The following ADAMTS12 variants were observed in gnomAD, a reference collection of about 807,000 sequenced individuals.
ADAMTS12 encodes A disintegrin and metalloproteinase with thrombospondin motifs 12.
In ADAMTS12, 118 loss-of-function variants were observed where a neutral mutation model predicts 167.8. The ratio of observed to expected loss-of-function variants is 0.70; its 90% CI spans 0.61 to 0.82. The LOEUF (loss-of-function observed/expected upper bound fraction) is 0.82, where lower values mean the gene tolerates loss of function less well. ADAMTS12 is among the 40% of genes least tolerant of loss of function. The pLI, the probability that ADAMTS12 is intolerant of heterozygous loss-of-function variation, is 0.00. For synonymous variants in ADAMTS12, 704 were observed against 716.9 expected, an observed-to-expected ratio of 0.98 and a Z score of 0.29; for missense variants, 1,916 against 1,998.8, an observed-to-expected ratio of 0.96 and a Z score of 0.79.
chr5:33,577,291 T>G, intron 18 of ADAMTS12, 131 bp from the exon 19 acceptor site: 1 of 1,314,278 alleles, frequency 7.6e-7, no homozygotes, highest in Non-Finnish European at 1.0e-6. Flanking sequence ...TATCTACATT[T>G]GGTTTCTGTG....
intron 1 of ADAMTS12, among the ~76,000 whole-genome samples, chr5:33,884,202 C>T (rs549673368): frequency 6.6e-6 from 1 of 152,314 alleles, no homozygotes; most frequent in African/African-American, 2.4e-5. Context: ...ACAATTCCTC[C>T]TCCAGCTGGC....
chr5:33,590,849 A>G (rs1579714427), intron 17 of ADAMTS12, among the ~76,000 whole-genome samples: 1 of 151,234 alleles, frequency 6.6e-6, no homozygotes, highest in Admixed American at 6.6e-5. Context: ...GGACTAAAAC[A>G]GCTTAGTCTT....
chr5:33,647,667 G>T (rs986785212), intron 9 of ADAMTS12, among the ~76,000 whole-genome samples: 4 of 152,186 alleles, frequency 2.6e-5, no homozygotes, highest in Admixed American at 6.5e-5. Context: ...GGAGGCAGAG[G>T]TTGCAGTGAG....
chr5:33,582,576 C>G (rs1182054595), intron 18 of ADAMTS12, among the ~76,000 whole-genome samples: 1 of 152,206 alleles, frequency 6.6e-6, no homozygotes, highest in Non-Finnish European at 1.5e-5. Context: ...GGCATTCGGT[C>G]TATTTGGTCA....
At chr5:33,699,369 T>TA (rs200025992) in intron 3 of ADAMTS12, among the ~76,000 whole-genome samples, 17 of 146,150 alleles carry the variant, frequency 1.2e-4, no homozygotes, top group South Asian at 6.5e-4. Context: ...GGCAAAAAAT[T>TA]AAAAAAAAAA....
intron 3 of ADAMTS12, among the ~76,000 whole-genome samples, chr5:33,727,153 G>A (rs961116890): frequency 2.6e-5 from 4 of 152,064 alleles, no homozygotes; most frequent in Admixed American, 6.5e-5. Context: ...ATCACCAAGC[G>A]CAAAAGCAAG....
intron 1 of ADAMTS12, 109 bp downstream of exon 1, chr5:33,891,621 G>A: frequency 6.6e-7 from 1 of 1,521,638 alleles, no homozygotes; most frequent in Non-Finnish European, 8.9e-7. Flanking sequence ...CAGCCAAATG[G>A]CTTTTCAGAG....
intron 12 of ADAMTS12, 89 bp from the exon 13 acceptor site, chr5:33,631,002 G>A (rs1739903073): frequency 6.7e-7 from 1 of 1,500,676 alleles, no homozygotes; most frequent in Non-Finnish European, 9.1e-7. Flanking sequence ...GGACCCCCAA[G>A]TGTCATTTAC....
chr5:33,645,248 C>T (rs1278185507), intron 9 of ADAMTS12, among the ~76,000 whole-genome samples: 6 of 151,656 alleles, frequency 4.0e-5, no homozygotes, highest in Non-Finnish European at 4.4e-5. Flanking sequence ...TGAGCATGGC[C>T]TGTAGTAAAG....
At chr5:33,709,383 A>G (rs1743313250) in intron 3 of ADAMTS12, among the ~76,000 whole-genome samples, 1 of 152,248 alleles carries the variant, frequency 6.6e-6, no homozygotes, top group Non-Finnish European at 1.5e-5. Flanking sequence ...AAATCATTCT[A>G]TTATAAAGAT....
At chr5:33,809,983 GAAAA>G (rs202032209) in intron 2 of ADAMTS12, among the ~76,000 whole-genome samples, 201 of 118,084 alleles carry the variant, frequency 1.7e-3, no homozygotes, top group East Asian at 4.2e-3. Flanking sequence ...AAGTTTAACA[GAAAA>G]AAAAAAAAAA....
At chr5:33,604,184 C>G (rs1261633819) in intron 16 of ADAMTS12, among the ~76,000 whole-genome samples, 1 of 152,106 alleles carries the variant, frequency 6.6e-6, no homozygotes, top group African/African-American at 2.4e-5. Flanking sequence ...AGATTCAACA[C>G]TCGTTTATAA....
chr5:33,876,902 A>G (rs2113109), intron 2 of ADAMTS12, among the ~76,000 whole-genome samples: 57,696 of 152,150 alleles, frequency 0.38, 11,393 homozygotes, highest in African/African-American at 0.49. Context: ...GTTCTTACAA[A>G]TGTTATGAAT....
chr5:33,553,555 C>G (rs956714426), intron 20 of ADAMTS12, among the ~76,000 whole-genome samples: 4 of 152,202 alleles, frequency 2.6e-5, no homozygotes, highest in Admixed American at 2.6e-4. Context: ...GAGATCATGT[C>G]CTTTGCAGGA....
At position 33,643,449 on chromosome 5, in the gene ADAMTS12, A is replaced by G. The variant is rs1305086602; in HGVS notation, c.1501T>C (p.Cys501Arg). Residue 501 changes from cysteine to arginine, a missense_variant, in exon 10 of 24, where the codon TGC becomes CGC. Physicochemically the swap from Cys to Arg is radical, Grantham distance 180. Coordinates refer to ENST00000504830, the MANE Select transcript of ADAMTS12 (RefSeq NM_030955.4). ...GAGCGACAAAAGCCCTTCACGGAGC[A>G]CCACAGTGTCTGGCAGACGTTCTAG... The part of the protein sequence containing the change: ...EVENVCQTLW[C>R]SVKGFCRSKL... 3.7e-6 allele frequency: 6 copies of G among 1,614,116 alleles called. No homozygotes were observed. Among genetic ancestry groups the G allele is most frequent in the Non-Finnish European group, 4.2e-6 (5 of 1,179,946 alleles).
chr5:33,606,200 G>A (rs937728787), intron 16 of ADAMTS12, among the ~76,000 whole-genome samples: 2 of 152,110 alleles, frequency 1.3e-5, no homozygotes, highest in Non-Finnish European at 2.9e-5. Flanking sequence ...TGCCTGCCTC[G>A]TCCTCCCAAA....
chr5:33,659,104 A>G (rs1287646447), intron 6 of ADAMTS12, among the ~76,000 whole-genome samples: 1 of 152,234 alleles, frequency 6.6e-6, no homozygotes, highest in Non-Finnish European at 1.5e-5. Flanking sequence ...ATTGAACACC[A>G]GCAGCTAACG....
At chr5:33,565,663 G>A (rs1745976438) in intron 19 of ADAMTS12, among the ~76,000 whole-genome samples, 2 of 127,224 alleles carry the variant, frequency 1.6e-5, no homozygotes, top group African/African-American at 6.3e-5. Context: ...ACTGTTGCCA[G>A]TTTTTTGTTT....
At chr5:33,868,173 T>C (rs1749900807) in intron 2 of ADAMTS12, among the ~76,000 whole-genome samples, 1 of 152,230 alleles carries the variant, frequency 6.6e-6, no homozygotes, top group Admixed American at 6.5e-5. Flanking sequence ...AGGTAGTTCT[T>C]TATAGCACTA....
Sources: gnomAD v4.1 joint callset for allele counts (sites outside exome capture counted in the v4.1 genomes callset) on GRCh38, gnomAD v4.1.1 for gene constraint, MANE v1.5 for transcripts, NCBI Gene and HGNC (gene_info 2026-07-23, HGNC 2026-07-21) for gene names.